Variants in CAPN10 observed in about 807,000 individuals in gnomAD.
CAPN10 encodes calpain-10.
In CAPN10, 71 loss-of-function variants were observed where a neutral mutation model predicts 78.4. That is an observed-to-expected ratio of 0.91 (90% CI 0.75 to 1.10). CAPN10 has a LOEUF of 1.10. Among genes scored for constraint, CAPN10 ranks in the 50% least tolerant of loss-of-function variants. CAPN10 has a pLI of 0.00. For missense variants in CAPN10, 849 were observed against 924.6 expected (o/e 0.92, Z 1.06); for synonymous variants, 437 against 407.2 (o/e 1.07, Z -0.88).
chr2:240,598,903 G>T lies in CAPN10; in HGVS notation c.*223G>T. 1 of 589,628 alleles carries T rather than the reference G, an allele frequency of 1.7e-6. No individual in the cohort carries two copies. The highest frequency in any genetic ancestry group is 3.1e-6 in the Non-Finnish European group (1 of 324,718). 36.5% of individuals were successfully genotyped at this position (589,628 alleles called of 1,614,324 possible). A position where few individuals can be genotyped will look rare whatever the true frequency, so the allele number is the denominator to read the frequency against. ...TGCTGCAAGGAAGGGTGGGAAGCTT[G>T]CTGGCTTCTGTTGCGCCACTGAGAC... is the stretch of plus-strand genomic sequence containing the variant. On this transcript the variant is annotated 3_prime_UTR_variant, in exon 12 of 12. Coordinates refer to ENST00000391984, the MANE Select transcript of CAPN10 (RefSeq NM_023083.4).
Position 240,594,781 on chromosome 2 carries a change from G to T in CAPN10, c.997+72G>T, listed in dbSNP as rs553687506. 28 of 1,253,332 alleles carry T rather than the reference G, an allele frequency of 2.2e-5. No individual in the cohort carries two copies. In the East Asian group the frequency reaches 9.4e-4, roughly 42 times the overall value. The allele number at this position is 1,253,332 out of a possible 1,614,324, so 77.6% of individuals were successfully genotyped here. A position where few individuals can be genotyped will look rare whatever the true frequency, so the allele number is the denominator to read the frequency against. On this transcript the variant is annotated intron_variant, in intron 6 of 11. Transcript: ENST00000391984. ...GTGAGGAGGCTGGGCAGGTGCCTGG[G>T]TTCCCCCTGCCCAGGCCCAGTTTGG... is the stretch of plus-strand genomic sequence containing the variant.
At chr2:240,592,627 A>G (rs1158331533) in intron 4 of CAPN10, 2 of 395,934 alleles carry the variant, frequency 5.1e-6, no homozygotes, top group Admixed American at 6.8e-5. Context: ...CCTGGGCAAC[A>G]TGGCAAGATC....
intron 2 of CAPN10, chr2:240,589,789 CAGG>C (rs562926803): frequency 3.5e-6 from 1 of 287,800 alleles, no homozygotes; most frequent in Non-Finnish European, 6.5e-6. Context: ...TGCCAGCTCA[CAGG>C]AGGACGGGGC....
intron 6 of CAPN10, 47 bp from the exon 7 acceptor site, chr2:240,594,977 A>G (rs2093127283): frequency 1.9e-6 from 3 of 1,597,892 alleles, no homozygotes; most frequent in Non-Finnish European, 2.6e-6. Context: ...GCGGGAGGCC[A>G]GCGAGGAGCC....
intron 9 of CAPN10, 150 bp downstream of exon 9, chr2:240,597,092 C>T: frequency 1.0e-6 from 1 of 987,636 alleles, no homozygotes; most frequent in Non-Finnish European, 1.5e-6. Flanking sequence ...CCGCACAGGG[C>T]CCTCTCCCAT....
rs373382524 is a variant in CAPN10 at position 240,586,971 on chromosome 2, C to T, written c.60C>T (p.Pro20=). The T allele has an allele frequency of 2.0e-6, 3 of 1,482,858 alleles. No homozygotes were observed. The highest frequency in any genetic ancestry group is 3.0e-5 in the East Asian group (1 of 33,466). 91.9% of individuals were successfully genotyped at this position (1,482,858 alleles called of 1,614,324 possible). A position where few individuals can be genotyped will look rare whatever the true frequency, so the allele number is the denominator to read the frequency against. The stretch of plus-strand genomic sequence containing the variant: ...AGCTGTTCCGGGACGCCGCCTTCCC[C>T]GCCGCGGACTCCTCGCTCTTCTGCG... ...ARELFRDAAF[P]AADSSLFCDL... Residue 20 remains proline, a synonymous_variant, in exon 1 of 12, where the codon CCC becomes CCT. Transcript: ENST00000391984.
At chr2:240,592,751 C>G (rs760468387) in intron 4 of CAPN10, 17 of 293,122 alleles carry the variant, frequency 5.8e-5, no homozygotes, top group Non-Finnish European at 1.1e-4. Context: ...CCTTCCGCAC[C>G]GCTTCTCACA....
At chr2:240,595,869 T>C in intron 7 of CAPN10, 1 of 1,141,630 alleles carries the variant, frequency 8.8e-7, no homozygotes, top group East Asian at 5.6e-5. Flanking sequence ...AGGGCCTGAG[T>C]GTGGGTCGAG....
intron 4 of CAPN10, chr2:240,592,699 T>C (rs917145883): frequency 1.7e-5 from 6 of 352,156 alleles, no homozygotes; most frequent in African/African-American, 1.1e-4. Flanking sequence ...GACTTTTGAG[T>C]GCGCTCTCAG....
chr2:240,586,846 T>G lies in CAPN10; in HGVS notation c.-66T>G, dbSNP rs2093070942. On this transcript the variant is annotated 5_prime_UTR_variant, in exon 1 of 12. Transcript: ENST00000391984. ...CGGGCCGGAGGCGGCGGCGGCTGAC[T>G]CGCCTTCTCTCCGGGGCTGCGACCC... 7.7e-7 allele frequency: 1 copy of G among 1,293,276 alleles called. No individual in the cohort carries two copies. The highest frequency in any genetic ancestry group is 9.8e-7 in the Non-Finnish European group (1 of 1,021,364). The allele number at this position is 1,293,276 out of a possible 1,614,324, so 80.1% of individuals were successfully genotyped here.
rs1190954889 is a variant in CAPN10 at position 240,596,479 on chromosome 2, A to G, written c.1439A>G (p.Glu480Gly). 1.2e-6 allele frequency: 2 copies of G among 1,612,250 alleles called. No homozygotes were observed. The highest frequency in any genetic ancestry group is 1.7e-6 in the Non-Finnish European group (2 of 1,178,842). The change falls in exon 8 of 12, where the codon GAG (glutamate) becomes GGG (glycine). Residue 480 changes from glutamate (E) to glycine (G), a missense_variant. Transcript: ENST00000391984. ...ACCTTCCTGAAGGACGCGCCAGGGG[A>G]GTTCCTGCTCCGAGTCTTCTCTACC... ...PSTFLKDAPG[E>G]FLLRVFSTGR...
intron 7 of CAPN10, chr2:240,595,844 G>A (rs2093133209): frequency 2.3e-6 from 2 of 875,722 alleles, no homozygotes; most frequent in Non-Finnish European, 1.7e-6. Flanking sequence ...AACAGATGGG[G>A]GCGCCTGAGG....
intron 5 of CAPN10, 76 bp from the exon 6 acceptor site, chr2:240,594,467 C>G (rs1444246491): frequency 1.0e-5 from 15 of 1,484,354 alleles, no homozygotes; most frequent in Non-Finnish European, 1.3e-5. Context: ...CCCCTCCAGG[C>G]TTCCCCCCAG....
Position 240,596,962 on chromosome 2 carries a change from G to A in CAPN10, c.1743+20G>A. ...TTCCAGGCAAGCTCCTTGCCCCAGG[G>A]AGGGAGGGGGAGCAGAAGGGGCCCT... On this transcript the variant is annotated intron_variant, in intron 9 of 11. Transcript: ENST00000391984. 1 of 1,613,162 alleles carries A rather than the reference G, an allele frequency of 6.2e-7. No individual in the cohort carries two copies. Among genetic ancestry groups the A allele is most frequent in the Non-Finnish European group, 8.5e-7 (1 of 1,179,936 alleles).
intron 4 of CAPN10, among the ~76,000 whole-genome samples, chr2:240,593,357 C>G (rs1286204431): frequency 6.6e-6 from 1 of 152,238 alleles, no homozygotes; most frequent in Non-Finnish European, 1.5e-5. Context: ...AGACCGTTGC[C>G]CCGCCACAGA....
chr2:240,588,198 G>A (rs1050733876), intron 1 of CAPN10, among the ~76,000 whole-genome samples: 3 of 152,178 alleles, frequency 2.0e-5, no homozygotes, highest in South Asian at 2.1e-4. Flanking sequence ...TTGCTCTCAC[G>A]TCTTCAGGTG....
intron 9 of CAPN10, 151 bp downstream of exon 9, chr2:240,597,093 C>G (rs1171488501): frequency 2.5e-5 from 24 of 971,450 alleles, no homozygotes; most frequent in Non-Finnish European, 3.7e-5. Context: ...CGCACAGGGC[C>G]CTCTCCCATC....
chr2:240,586,855 C>T lies in CAPN10; in HGVS notation c.-57C>T, dbSNP rs1473094617. The T allele has an allele frequency of 6.8e-6, 9 of 1,321,304 alleles. No homozygotes were observed. The African/African-American group carries it at 1.1e-4, about 16-fold the overall frequency. The allele number at this position is 1,321,304 out of a possible 1,614,324, so 81.8% of individuals were successfully genotyped here. On this transcript the variant is annotated 5_prime_UTR_variant, in exon 1 of 12. Coordinates refer to ENST00000391984, the MANE Select transcript of CAPN10 (RefSeq NM_023083.4). ...GGCGGCGGCGGCTGACTCGCCTTCT[C>T]TCCGGGGCTGCGACCCCGAGGCAAC...
intron 4 of CAPN10, chr2:240,592,950 T>C (rs1227216163): frequency 6.2e-6 from 1 of 160,636 alleles, no homozygotes; most frequent in African/African-American, 2.4e-5. Flanking sequence ...AATATGAATA[T>C]CACAGTAAAC....
Sources: allele counts gnomAD v4.1 joint callset (sites outside exome capture counted in the v4.1 genomes callset), GRCh38; gene constraint gnomAD v4.1.1; transcripts MANE v1.5; gene names NCBI Gene and HGNC (gene_info 2026-07-23, HGNC 2026-07-21).